Variants in RIPOR2 observed in about 807,000 individuals in gnomAD.
The protein encoded by RIPOR2 is RHO family interacting cell polarization regulator 2, also known as rho family-interacting cell polarization regulator 2.
A neutral mutation model predicts 114.5 loss-of-function variants in RIPOR2; 39 were observed. The ratio of observed to expected loss-of-function variants is 0.34; its 90% CI spans 0.26 to 0.44. The LOEUF (loss-of-function observed/expected upper bound fraction) is 0.44. Among genes scored for constraint, RIPOR2 ranks in the 20% least tolerant of loss-of-function variants. RIPOR2 has a pLI of 1.00. For missense variants in RIPOR2, 1,007 were observed against 1,255.1 expected (o/e 0.80, Z 2.99); for synonymous variants, 445 against 484.4 (o/e 0.92, Z 1.07).
rs139223670 is a variant in RIPOR2, at chr6:24,945,917, A to G, written c.77-70100T>C. Among the ~76,000 whole-genome samples, 721 of 152,160 alleles carry G rather than the reference A, an allele frequency of 4.7e-3. 6 individuals carry two copies. Among genetic ancestry groups the G allele is most frequent in the African/African-American group, 0.016 (664 of 41,538 alleles). On this transcript the variant is annotated intron_variant, in intron 1 of 13. Transcript: ENST00000510784. ...ACACCTATATAAATAAAATATGAAT[A>G]TTTTTACAAATTCCTGTCTCACTGT... is the stretch of plus-strand genomic sequence containing the variant.
intron 1 of RIPOR2, among the ~76,000 whole-genome samples, chr6:24,926,318 G>C (rs115742132): frequency 0.029 from 4,365 of 152,278 alleles, 91 homozygotes; most frequent in Non-Finnish European, 0.044. Flanking sequence ...TTAAAGATAT[G>C]ATTTTCACCT....
chr6:24,832,106 G>T, intron 16 of RIPOR2, 150 bp downstream of exon 16: 1 of 742,860 alleles, frequency 1.3e-6, no homozygotes, highest in Non-Finnish European at 2.1e-6. Flanking sequence ...TGACATTAAT[G>T]AGCCCAATTT....
chr6:24,947,819 G>C (rs1184334666), intron 1 of RIPOR2: 1 of 152,132 alleles, frequency 6.6e-6, no homozygotes. Flanking sequence ...AAAAAAATGA[G>C]ATATTGCCTC....
chr6:24,990,704 G>C (rs1016882822), intron 1 of RIPOR2, among the ~76,000 whole-genome samples: 5 of 13,744 alleles, frequency 3.6e-4, no homozygotes, highest in Non-Finnish European at 7.5e-4. Flanking sequence ...CAGCTATGCT[G>C]TAGAAGGAAA....
chr6:24,899,652 C>T (rs933450846), intron 1 of RIPOR2, among the ~76,000 whole-genome samples: 2 of 152,176 alleles, frequency 1.3e-5, no homozygotes, highest in Non-Finnish European at 2.9e-5. Context: ...AGCTTGTTTT[C>T]CTACATTCAG....
intron 18 of RIPOR2, among the ~76,000 whole-genome samples, chr6:24,825,985 G>T (rs1365404441): frequency 7.2e-6 from 1 of 138,232 alleles, no homozygotes; most frequent in Non-Finnish European, 1.5e-5. Context: ...GAGTGCAAAT[G>T]GTGTGATCTC....
At chr6:24,876,496 C>A (rs987148914) in intron 1 of RIPOR2, among the ~76,000 whole-genome samples, 14 of 151,950 alleles carry the variant, frequency 9.2e-5, no homozygotes, top group Non-Finnish European at 1.8e-4. Context: ...ATAAGTCATG[C>A]GTCAAACTGA....
At chr6:24,873,560 T>A (rs1460216227) in intron 3 of RIPOR2, 84 bp downstream of exon 3, 2 of 1,223,268 alleles carry the variant, frequency 1.6e-6, no homozygotes, top group African/African-American at 3.1e-5. Context: ...GAAATAGACA[T>A]CTGAAAAATG....
chr6:24,932,223 A>G (rs932632124), intron 1 of RIPOR2, among the ~76,000 whole-genome samples: 7 of 152,198 alleles, frequency 4.6e-5, no homozygotes, highest in African/African-American at 1.7e-4. Flanking sequence ...TGATAATCAA[A>G]TGAATCATTT....
At chr6:24,926,606 C>T (rs73731446) in intron 1 of RIPOR2, among the ~76,000 whole-genome samples, 4,923 of 152,164 alleles carry the variant, frequency 0.032, 202 homozygotes, top group African/African-American at 0.099. Flanking sequence ...GGTGAGCAGT[C>T]GCAATAGCTC....
At chr6:24,866,823 C>A (rs1764652944) in intron 6 of RIPOR2, among the ~76,000 whole-genome samples, 1 of 152,104 alleles carries the variant, frequency 6.6e-6, no homozygotes, top group African/African-American at 2.4e-5. Context: ...GCATACTTAC[C>A]TAGCACTATT....
rs770815210 is a variant in RIPOR2 at position 24,843,212 on chromosome 6, AGGACTGTCG to A, written c.1498_1506del (p.Arg500_Ser502del). ...AACAGGTGCTCAGCCCCAGCACCTG[AGGACTGTCG>A]GCGGCAAGCCTCAGATGGGGCCGAG... On this transcript the variant is annotated inframe_deletion, in exon 13 of 22. Coordinates refer to ENST00000643898, the MANE Select transcript of RIPOR2 (RefSeq NM_001286445.3). 6.2e-7 allele frequency: 1 copy of A among 1,614,016 alleles called. No homozygotes were observed. The highest frequency in any genetic ancestry group is 1.1e-5 in the South Asian group (1 of 91,082).
chr6:24,858,109 C>T lies in RIPOR2; in HGVS notation c.715+2864G>A, dbSNP rs1386822824. Among the ~76,000 whole-genome samples, 1 of 152,210 alleles carries T rather than the reference C, an allele frequency of 6.6e-6. No homozygotes were observed. Among genetic ancestry groups the T allele is most frequent in the African/African-American group, 2.4e-5 (1 of 41,458 alleles). On this transcript the variant is annotated intron_variant, in intron 8 of 21. Transcript: ENST00000643898. The surrounding 1 kb of genome is among the most constrained non-coding windows in gnomAD (Gnocchi z 4.0). ...TGGCAACCTTTTCCTCCTCTCCCCT[C>T]CTGCTTTTGCAGCAAACTGGGTCAC...
chr6:24,949,334 G>C (rs540696361), intron 1 of RIPOR2, among the ~76,000 whole-genome samples: 1 of 152,178 alleles, frequency 6.6e-6, no homozygotes, highest in Non-Finnish European at 1.5e-5. Flanking sequence ...CAAACCTCAT[G>C]AAAGTATCAC....
intron 1 of RIPOR2, among the ~76,000 whole-genome samples, chr6:24,914,368 C>G (rs1260139340): frequency 1.3e-5 from 2 of 152,124 alleles, no homozygotes; most frequent in Non-Finnish European, 1.5e-5. Flanking sequence ...ACAAAAAAGA[C>G]CCCAAGTAGT....
chr6:24,839,643 A>C, intron 13 of RIPOR2: 1 of 1,540,634 alleles, frequency 6.5e-7, no homozygotes, highest in African/African-American at 1.4e-5. Flanking sequence ...AAAACAAAAA[A>C]AACAAAAAAC....
At chr6:24,944,651 C>A (rs944557035) in intron 1 of RIPOR2, among the ~76,000 whole-genome samples, 11 of 152,170 alleles carry the variant, frequency 7.2e-5, no homozygotes, top group African/African-American at 2.7e-4. Flanking sequence ...ATGTTGGCTG[C>A]AAACTTCCCA....
chr6:24,875,613 C>T lies in RIPOR2; in HGVS notation c.188+78G>A, dbSNP rs181164057. 3.0e-4 allele frequency: 424 copies of T among 1,425,728 alleles called. No individual in the cohort carries two copies. In the African/African-American group the frequency reaches 5.3e-3, roughly 18 times the overall value. 88.3% of individuals were successfully genotyped at this position (1,425,728 alleles called of 1,614,324 possible). The stretch of plus-strand genomic sequence containing the variant: ...GGGGGCGGTTTGACAAGGCTGAATG[C>T]ACACAGACCCTCTTCACAACATCAA... On this transcript the variant is annotated intron_variant, in intron 2 of 21. Coordinates refer to ENST00000643898, the MANE Select transcript of RIPOR2 (RefSeq NM_001286445.3).
At chr6:24,963,580 T>C (rs1348143685) in intron 1 of RIPOR2, among the ~76,000 whole-genome samples, 1 of 152,150 alleles carries the variant, frequency 6.6e-6, no homozygotes, top group Non-Finnish European at 1.5e-5. Flanking sequence ...CACCAATATG[T>C]ACATATTAAT....
Sources: gnomAD v4.1 joint callset for allele counts (sites outside exome capture counted in the v4.1 genomes callset) on GRCh38, gnomAD v4.1.1 for gene constraint, Gnocchi (gnomAD v3.1) non-coding constraint, MANE v1.5 for transcripts, NCBI Gene and HGNC (gene_info 2026-07-23, HGNC 2026-07-21) for gene names.